The following ZNF180 variants were observed in gnomAD, a reference collection of about 807,000 sequenced individuals.
ZNF180 encodes zinc finger protein 180 (HHZ168).
In ZNF180, 11 loss-of-function variants were observed where a neutral mutation model predicts 11.8. The ratio of observed to expected loss-of-function variants is 0.93; its 90% CI spans 0.59 to 1.55. ZNF180 has a LOEUF of 1.55. Among genes scored for constraint, ZNF180 ranks in the 40% most tolerant of loss-of-function variants. The pLI is 0.00. For missense variants in ZNF180, 773 were observed against 781.7 expected, an observed-to-expected ratio of 0.99 and a Z score of 0.13; for synonymous variants, 287 against 257.7, an observed-to-expected ratio of 1.11 and a Z score of -1.09.
In ZNF180 at chr19:44,476,204, T is replaced by G; in HGVS notation, c.*198A>C. 1 of 500,168 alleles carries G rather than the reference T, an allele frequency of 2.0e-6. No homozygotes were observed. Among genetic ancestry groups the G allele is most frequent in the Non-Finnish European group, 3.5e-6 (1 of 289,762 alleles). 31.0% of individuals were successfully genotyped at this position (500,168 alleles called of 1,614,324 possible). A position where few individuals can be genotyped will look rare whatever the true frequency, so the allele number is the denominator to read the frequency against. On this transcript the variant is annotated 3_prime_UTR_variant, in exon 5 of 5. Transcript: ENST00000592529. ...ATCAAGTTTAACATTGTATATGGAA[T>G]TGCCAGGTTGAAAAGTCGTTCATAG...
rs1969948312 is a variant in ZNF180 at position 44,477,520 on chromosome 19, TCTG to T, written c.877_879del (p.Gln293del). On this transcript the variant is annotated inframe_deletion, in exon 5 of 5. Coordinates refer to ENST00000592529, the MANE Select transcript of ZNF180 (RefSeq NM_001278509.3). The stretch of plus-strand genomic sequence containing the variant: ...TATTGACTCTCTTCAAAAGGAATTC[TCTG>T]TTGTTCATTATGGGATATTTTGGGG... 6.2e-7 allele frequency: 1 copy of T among 1,614,022 alleles called. No homozygotes were observed. The highest frequency in any genetic ancestry group is 1.3e-5 in the African/African-American group (1 of 74,934).
Position 44,478,031 on chromosome 19 carries a change from A to G in ZNF180, c.369T>C (p.Ser123=). 1 of 1,614,098 alleles carries G rather than the reference A, an allele frequency of 6.2e-7. No individual in the cohort carries two copies. Among genetic ancestry groups the G allele is most frequent in the Middle Eastern group, 1.7e-4 (1 of 6,060 alleles). Residue 123 remains serine, a synonymous_variant, in exon 5 of 5, where the codon TCT becomes TCC. Transcript: ENST00000592529. ...TACAATCATCCACTTCTTCACATGA[A>G]GATAACCAAGGATCATCCCTTGTAA... ...ERFTRDDPWL[S]SCEEVDDCKD... is the part of the protein sequence containing the mutation.
At chr19:44,485,278 T>C (rs939255868) in intron 2 of ZNF180, 1 of 148,556 alleles carries the variant, frequency 6.7e-6, no homozygotes, top group Admixed American at 6.7e-5. Context: ...CAAAGAAAAA[T>C]GCACATGCAA....
At position 44,476,798 on chromosome 19, in the gene ZNF180, A is replaced by C; in HGVS notation, c.1602T>G (p.Ser534Arg). 1 of 1,613,862 alleles carries C rather than the reference A, an allele frequency of 6.2e-7. No individual in the cohort carries two copies. The highest frequency in any genetic ancestry group is 8.5e-7 in the Non-Finnish European group (1 of 1,179,932). Residue 534 changes from serine (S) to arginine (R), a missense_variant, in exon 5 of 5, where the codon AGT (serine) becomes AGG (arginine). Ser to Arg is a moderately radical substitution (Grantham distance 110, BLOSUM62 -1). Coordinates refer to ENST00000592529, the MANE Select transcript of ZNF180 (RefSeq NM_001278509.3). Reference protein sequence around the residue: ...CSECGKSFNRSSHLVMHQRIH... With the variant: ...CSECGKSFNRRSHLVMHQRIH... ...TTCTCTGATGCATAACAAGGTGAGA[A>C]CTGCGGTTAAAAGATTTTCCACATT... is the stretch of plus-strand genomic sequence containing the variant.
At chr19:44,497,119 A>G (rs1970608226) in intron 2 of ZNF180, among the ~76,000 whole-genome samples, 165 bp downstream of exon 2, 1 of 152,218 alleles carries the variant, frequency 6.6e-6, no homozygotes, top group Admixed American at 6.5e-5. Flanking sequence ...AGGTGAGGCA[A>G]CTAGCAGGGA....
At position 44,477,018 on chromosome 19, in the gene ZNF180, G is replaced by A; in HGVS notation, c.1382C>T (p.Thr461Ile). The A allele has an allele frequency of 1.2e-6, 2 of 1,614,138 alleles. No homozygotes were observed. The highest frequency in any genetic ancestry group is 1.7e-6 in the Non-Finnish European group (2 of 1,180,014). Reference protein sequence around the residue: ...YKLIAHQRIHTGEKPYECNQC... With the variant: ...YKLIAHQRIHIGEKPYECNQC... The stretch of plus-strand genomic sequence containing the variant: ...ATTGCATTCATAGGGTTTTTCCCCA[G>A]TATGAATTCTTTGATGTGCAATAAG... Residue 461 changes from threonine (T) to isoleucine (I), a missense_variant, in exon 5 of 5, where the codon ACT becomes ATT. By Grantham distance (89) the Thr-to-Ile change is moderately conservative. Coordinates refer to ENST00000592529, the MANE Select transcript of ZNF180 (RefSeq NM_001278509.3).
rs562380949 is a variant in ZNF180, at chr19:44,497,438, A to G, written c.-43-61T>C. ...GTCTGCCGGAACCGCTGGGCCCCCC[A>G]CCCCCATTAGCCCCTGCTCCCAGGA... On this transcript the variant is annotated intron_variant, in intron 1 of 4. Transcript: ENST00000592529. 4.7e-6 allele frequency: 7 copies of G among 1,483,174 alleles called. 1 individual carries two copies. In the African/African-American group the frequency reaches 1.0e-4, roughly 21 times the overall value. The allele number at this position is 1,483,174 out of a possible 1,614,324, so 91.9% of individuals were successfully genotyped here.
rs753153898 is a variant in ZNF180, at chr19:44,478,158, C to A, written c.254-12G>T. 2.6e-6 allele frequency: 4 copies of A among 1,521,558 alleles called. No homozygotes were observed. The highest frequency in any genetic ancestry group is 1.3e-5 in the South Asian group (1 of 76,134). 94.3% of individuals were successfully genotyped at this position (1,521,558 alleles called of 1,614,324 possible). ...TGCAGTTGCCAAGTCTGAAAGAAAG[C>A]AATATAAGACATCTTAGTCAAAAAA... On this transcript the variant is annotated splice_polypyrimidine_tract_variant and intron_variant, in intron 4 of 4. Coordinates refer to ENST00000592529, the MANE Select transcript of ZNF180 (RefSeq NM_001278509.3).
At position 44,477,097 on chromosome 19, in the gene ZNF180, C is replaced by T; in HGVS notation, c.1303G>A (p.Glu435Lys). Residue 435 changes from glutamate to lysine, a missense_variant, in exon 5 of 5, where the codon GAG becomes AAG. Glu to Lys is a moderately conservative substitution (Grantham distance 56, BLOSUM62 1). Coordinates refer to ENST00000592529, the MANE Select transcript of ZNF180 (RefSeq NM_001278509.3). Reference protein sequence around the residue: ...LIAHQRTHTGEKPYECNQCGK... With the variant: ...LIAHQRTHTGKKPYECNQCGK... The stretch of plus-strand genomic sequence containing the variant: ...CATTGATTACATTCATAGGGCTTCT[C>T]TCCGGTATGTGTTCTTTGATGTGCA... 1 of 1,613,938 alleles carries T rather than the reference C, an allele frequency of 6.2e-7. No homozygotes were observed. Among genetic ancestry groups the T allele is most frequent in the Non-Finnish European group, 8.5e-7 (1 of 1,179,862 alleles).
intron 2 of ZNF180, among the ~76,000 whole-genome samples, chr19:44,493,811 C>T (rs4803714): frequency 0.27 from 41,785 of 152,040 alleles, 6,105 homozygotes; most frequent in East Asian, 0.41. Context: ...ATGCTGTGAA[C>T]GCCCTGGAAA....
Position 44,497,294 on chromosome 19 carries a change from A to G in ZNF180, c.41T>C (p.Val14Ala), listed in dbSNP as rs2571108. ...QDEKPPEPPKVCAQDSFLPQE... is the reference protein window; with the variant it reads ...QDEKPPEPPKACAQDSFLPQE... ...TGGGTCTCCACTCACCTGTGCACAG[A>G]CCTTCGGGGGCTCTGGGGGCTTCTC... The change falls in exon 2 of 5, where the codon GTC becomes GCC. Residue 14 changes from valine to alanine, a missense_variant. Coordinates refer to ENST00000592529, the MANE Select transcript of ZNF180 (RefSeq NM_001278509.3). 0.65 allele frequency: 1,029,304 copies of G among 1,590,882 alleles called. 336,710 individuals carry two copies. Among genetic ancestry groups the G allele is most frequent in the Admixed American group, 0.83 (47,206 of 56,890 alleles).
intron 2 of ZNF180, among the ~76,000 whole-genome samples, chr19:44,487,871 C>T (rs1258381146): frequency 2.6e-5 from 4 of 152,034 alleles, no homozygotes; most frequent in Admixed American, 6.5e-5. Context: ...GGACTACAGG[C>T]GCACATCACC....
rs770995313 is a variant in ZNF180 at position 44,474,550 on chromosome 19, A to T, written c.*1852T>A. 2 of 152,216 alleles carry T rather than the reference A, an allele frequency of 1.3e-5. No homozygotes were observed. Among genetic ancestry groups the T allele is most frequent in the African/African-American group, 2.4e-5 (1 of 41,440 alleles). 9.4% of individuals were successfully genotyped at this position (152,216 alleles called of 1,614,324 possible). On this transcript the variant is annotated 3_prime_UTR_variant, in exon 5 of 5. Transcript: ENST00000592529. ...ATTCGACCATATCATTTCTTTCTTT[A>T]CACGACTTGTGAGATAAGTAAGATA... is the stretch of plus-strand genomic sequence containing the variant.
At chr19:44,491,442 A>G (rs1970448587) in intron 2 of ZNF180, among the ~76,000 whole-genome samples, 1 of 152,244 alleles carries the variant, frequency 6.6e-6, no homozygotes, top group Admixed American at 6.5e-5. Flanking sequence ...CATTTTAGGA[A>G]TATCTCCTGA....
In ZNF180 at chr19:44,477,756, T is replaced by G; in HGVS notation, c.644A>C (p.Asn215Thr). 1 of 1,614,024 alleles carries G rather than the reference T, an allele frequency of 6.2e-7. No individual in the cohort carries two copies. Among genetic ancestry groups the G allele is most frequent in the Non-Finnish European group, 8.5e-7 (1 of 1,179,964 alleles). Residue 215 changes from asparagine (N) to threonine (T), a missense_variant, in exon 5 of 5, where the codon AAT becomes ACT. Coordinates refer to ENST00000592529, the MANE Select transcript of ZNF180 (RefSeq NM_001278509.3). ...TTCATTATTTTCATATAGTGTCTCA[T>G]TCTCATTAATCTTCTGATGACTGTT... ...AVNSHQKINE[N>T]ETLYENNECG...
rs199948318 is a variant in ZNF180 at position 44,476,848 on chromosome 19, C to T, written c.1552G>A (p.Gly518Arg). The T allele has an allele frequency of 6.2e-7, 1 of 1,614,166 alleles. No individual in the cohort carries two copies. The highest frequency in any genetic ancestry group is 2.2e-5 in the East Asian group (1 of 44,882). ...QLVAHQRTHT[G>R]EKPYECSECG... ...TCACTACATTCATACGGTTTCTCTC[C>T]AGTGTGAGTTCTTTGATGTGCAACA... is the stretch of plus-strand genomic sequence containing the variant. Residue 518 changes from glycine to arginine, a missense_variant, in exon 5 of 5, where the codon GGA (glycine) becomes AGA (arginine). Physicochemically the swap from Gly to Arg is moderately radical, Grantham distance 125 (BLOSUM62 -2). Coordinates refer to ENST00000592529, the MANE Select transcript of ZNF180 (RefSeq NM_001278509.3).
intron 2 of ZNF180, among the ~76,000 whole-genome samples, chr19:44,486,301 A>AG (rs1440533568): frequency 1.3e-5 from 2 of 152,240 alleles, no homozygotes; most frequent in Non-Finnish European, 2.9e-5. Context: ...TATTCTTTGA[A>AG]GGGGTAGAAC....
chr19:44,491,098 A>G (rs1392774554), intron 2 of ZNF180, among the ~76,000 whole-genome samples: 1 of 152,202 alleles, frequency 6.6e-6, no homozygotes, highest in Admixed American at 6.5e-5. Flanking sequence ...GACACATAGC[A>G]GGCTCTTCAT....
In ZNF180 at chr19:44,477,696, T is replaced by C. The variant is rs776869687; in HGVS notation, c.704A>G (p.Gln235Arg). 3.2e-5 allele frequency: 52 copies of C among 1,614,068 alleles called. No individual in the cohort carries two copies. Among genetic ancestry groups the C allele is most frequent in the Non-Finnish European group, 4.3e-5 (51 of 1,179,952 alleles). Residue 235 changes from glutamine to arginine, a missense_variant, in exon 5 of 5, where the codon CAG (glutamine) becomes CGG (arginine). By Grantham distance (43) the Gln-to-Arg change is conservative. Coordinates refer to ENST00000592529, the MANE Select transcript of ZNF180 (RefSeq NM_001278509.3). ...GKPPQSIHLI[Q>R]FTRTQTKDKS... is the part of the protein sequence containing the mutation. The stretch of plus-strand genomic sequence containing the variant: ...ATCTTTTGTTTGAGTTCTTGTAAAC[T>C]GAATAAGGTGAATGCTCTGAGGGGG...
Sources: allele counts gnomAD v4.1 joint callset (sites outside exome capture counted in the v4.1 genomes callset), GRCh38; gene constraint gnomAD v4.1.1; transcripts MANE v1.5; gene names NCBI Gene and HGNC (gene_info 2026-07-23, HGNC 2026-07-21).